GLIS3: variants seen among roughly 807,000 people sequenced by gnomAD.
The protein encoded by GLIS3 is GLIS family zinc finger 3, also known as zinc finger protein GLIS3.
Under a neutral mutation model 78.6 loss-of-function variants are expected in GLIS3, and 53 were observed. The observed-to-expected ratio is 0.67, with a 90% CI of 0.54 to 0.85. GLIS3 has a LOEUF of 0.85. Ranked by LOEUF, GLIS3 falls within the 40% of genes least tolerant of loss-of-function variation. GLIS3 has a pLI of 0.00. For synonymous variants in GLIS3, 684 were observed against 509.9 expected (o/e 1.34, Z -4.60); for missense variants, 1,703 against 1,231.1 (o/e 1.38, Z -5.74).
chr9:3,978,166 C>T (rs539237427), intron 4 of GLIS3, among the ~76,000 whole-genome samples: 99 of 151,812 alleles, frequency 6.5e-4, no homozygotes, highest in African/African-American at 2.0e-3. Flanking sequence ...TACAGGAAAG[C>T]GGATGGTAAT....
At chr9:4,427,947 T>C in the GLIS3 span, among the ~76,000 whole-genome samples, 4 of 141,040 alleles carry the variant, frequency 2.8e-5, no homozygotes, top group African/African-American at 1.1e-4. Flanking sequence ...GACCACTGAG[T>C]TGACATAAAC....
At chr9:4,440,775 T>G in the GLIS3 span, among the ~76,000 whole-genome samples, 2 of 152,224 alleles carry the variant, frequency 1.3e-5, no homozygotes, top group Non-Finnish European at 2.9e-5. Flanking sequence ...CTATATTAAT[T>G]CTTCTAATTC....
At chr9:4,260,550 G>C (rs929970612) in intron 2 of GLIS3, among the ~76,000 whole-genome samples, 2 of 143,958 alleles carry the variant, frequency 1.4e-5, no homozygotes, top group South Asian at 2.2e-4. Flanking sequence ...CTGGGCAACT[G>C]AGTGAGACTC....
At chr9:4,090,765 T>C (rs908664318) in intron 4 of GLIS3, among the ~76,000 whole-genome samples, 3 of 152,186 alleles carry the variant, frequency 2.0e-5, no homozygotes, top group South Asian at 2.1e-4. Flanking sequence ...GCACGTGAAG[T>C]GGTAAACATA....
At chr9:4,395,626 C>T in the GLIS3 span, among the ~76,000 whole-genome samples, 1 of 152,152 alleles carries the variant, frequency 6.6e-6, no homozygotes, top group Non-Finnish European at 1.5e-5. Context: ...GTTGAGGCAA[C>T]CAAAATATCT....
the GLIS3 span, among the ~76,000 whole-genome samples, chr9:4,353,804 C>G: frequency 1.3e-5 from 2 of 152,090 alleles, no homozygotes; most frequent in Non-Finnish European, 2.9e-5. Context: ...AATTCGGTGC[C>G]TGTAGCTGTT....
chr9:4,112,777 T>C (rs1171099729), intron 4 of GLIS3, among the ~76,000 whole-genome samples: 1 of 152,210 alleles, frequency 6.6e-6, no homozygotes, highest in East Asian at 1.9e-4. Context: ...CTTATAGTTA[T>C]GAAATATTTC....
At chr9:4,319,448 C>T (rs1401753148) in intron 2 of GLIS3, among the ~76,000 whole-genome samples, 5 of 152,210 alleles carry the variant, frequency 3.3e-5, no homozygotes, top group Middle Eastern at 3.4e-3. Flanking sequence ...GAGAACTTGA[C>T]GTTTTTCTAA....
chr9:4,404,344 A>C, the GLIS3 span, among the ~76,000 whole-genome samples: 2 of 152,218 alleles, frequency 1.3e-5, no homozygotes, highest in African/African-American at 4.8e-5. Context: ...TAAACATTGG[A>C]CTAAATCTGC....
intron 2 of GLIS3, among the ~76,000 whole-genome samples, chr9:4,183,193 A>G (rs1817485491): frequency 6.6e-6 from 1 of 152,236 alleles, no homozygotes; most frequent in African/African-American, 2.4e-5. Context: ...AAACAGGCTG[A>G]AGCCAGGTGG....
chr9:3,845,060 GAT>G (rs201048983), intron 9 of GLIS3, among the ~76,000 whole-genome samples: 16 of 121,398 alleles, frequency 1.3e-4, no homozygotes, highest in East Asian at 4.6e-4. Flanking sequence ...ACTGTGCAAA[GAT>G]ATATATATAT....
chr9:4,297,999 G>A (rs1361391280), intron 1 of GLIS3, among the ~76,000 whole-genome samples: 2 of 152,156 alleles, frequency 1.3e-5, no homozygotes, highest in Admixed American at 6.5e-5. Context: ...CTGCGACCCC[G>A]TCACTCCCCC....
chr9:4,268,896 T>C (rs1263699123), intron 2 of GLIS3, among the ~76,000 whole-genome samples: 1 of 152,154 alleles, frequency 6.6e-6, no homozygotes, highest in Non-Finnish European at 1.5e-5. Flanking sequence ...GGGCAGTAGC[T>C]GTTTGCTGCA....
In GLIS3 at chr9:4,118,020, G is replaced by T. The variant is rs576244515; in HGVS notation, c.1458C>A (p.Thr486=). ...HAQQLALPQA[T]LDDDGEMDGI... The stretch of plus-strand genomic sequence containing the variant: ...CGTCCATCTCCCCGTCGTCGTCCAG[G>T]GTGGCCTGGGGCAAGGCCAGCTGCT... Residue 486 remains threonine, a synonymous_variant, in exon 4 of 11, where the codon ACC becomes ACA. Transcript: ENST00000381971. This position sits in a 1 kb window ranked among gnomAD's most constrained non-coding sequence, Gnocchi z 4.7. The T allele has an allele frequency of 3.1e-6, 5 of 1,603,912 alleles. No individual in the cohort carries two copies. The South Asian group carries it at 5.5e-5, about 18-fold the overall frequency.
At chr9:3,905,122 G>T (rs961717640) in intron 6 of GLIS3, among the ~76,000 whole-genome samples, 18 of 148,222 alleles carry the variant, frequency 1.2e-4, no homozygotes, top group Non-Finnish European at 2.5e-4. Context: ...ATAGGCGCCT[G>T]CCGCCACGCC....
At chr9:4,106,263 C>G (rs1342906713) in intron 4 of GLIS3, among the ~76,000 whole-genome samples, 1 of 152,152 alleles carries the variant, frequency 6.6e-6, no homozygotes, top group Non-Finnish European at 1.5e-5. Context: ...TTTCATTACA[C>G]AAAAGCAGCT....
At chr9:4,382,846 T>C in the GLIS3 span, among the ~76,000 whole-genome samples, 4 of 152,208 alleles carry the variant, frequency 2.6e-5, no homozygotes, top group Non-Finnish European at 4.4e-5. Flanking sequence ...GTTCATTTTC[T>C]AATGAATTAC....
chr9:4,326,746 G>A (rs1817605884), intron 2 of GLIS3, among the ~76,000 whole-genome samples: 1 of 151,968 alleles, frequency 6.6e-6, no homozygotes, highest in Non-Finnish European at 1.5e-5. Flanking sequence ...GCAACAGCAA[G>A]GACAAAAAAA....
intron 4 of GLIS3, among the ~76,000 whole-genome samples, chr9:4,017,737 C>G (rs748051548): frequency 5.9e-5 from 9 of 152,118 alleles, no homozygotes; most frequent in Middle Eastern, 3.2e-3. Flanking sequence ...CAAGAATGTG[C>G]AGGGGATATA....
Sources: gnomAD v4.1 joint callset for allele counts (sites outside exome capture counted in the v4.1 genomes callset) on GRCh38, gnomAD v4.1.1 for gene constraint, Gnocchi (gnomAD v3.1) non-coding constraint, MANE v1.5 for transcripts, NCBI Gene and HGNC (gene_info 2026-07-23, HGNC 2026-07-21) for gene names.